The following PRELID2 variants were observed in gnomAD, a reference collection of about 807,000 sequenced individuals.
PRELID2 encodes the protein PRELI domain containing 2, also known as PRELI domain-containing protein 2.
A neutral mutation model predicts 28.4 loss-of-function variants in PRELID2; 25 were observed. The ratio of observed to expected loss-of-function variants is 0.88; its 90% CI spans 0.64 to 1.23. PRELID2 has a LOEUF of 1.23. Ranked by LOEUF, PRELID2 falls within the 50% of genes most tolerant of loss-of-function variation. The probability of loss-of-function intolerance (pLI) is 0.00; values close to 1 mark genes in which losing one functional copy is unlikely to be tolerated. For missense variants in PRELID2, 201 were observed against 214.4 expected, an observed-to-expected ratio of 0.94 and a Z score of 0.39; for synonymous variants, 76 against 71.6, an observed-to-expected ratio of 1.06 and a Z score of -0.31.
chr5:145,269,633 T>C, the PRELID2 span, among the ~76,000 whole-genome samples: 5 of 151,570 alleles, frequency 3.3e-5, no homozygotes, highest in African/African-American at 1.2e-4. Context: ...AAATTTTTCA[T>C]AGAATCTACC....
chr5:145,641,130 C>A (rs1754100407), intron 1 of PRELID2, among the ~76,000 whole-genome samples: 1 of 151,988 alleles, frequency 6.6e-6, no homozygotes, highest in South Asian at 2.1e-4. Context: ...AAAGTGCAAG[C>A]CACAGGAAAA....
At chr5:145,398,855 C>T in the PRELID2 span, among the ~76,000 whole-genome samples, 2 of 152,062 alleles carry the variant, frequency 1.3e-5, no homozygotes, top group African/African-American at 4.8e-5. Context: ...GGAAGGAAGT[C>T]TTTCCTCAAG....
At chr5:145,623,649 ATAGG>A (rs60907837) in intron 1 of PRELID2, among the ~76,000 whole-genome samples, 4,602 of 151,940 alleles carry the variant, frequency 0.03, 221 homozygotes, top group African/African-American at 0.1. Context: ...AGGTAGGTAG[ATAGG>A]TAGGTAGGTA....
chr5:145,754,211 A>T (rs1384553695), downstream of PRELID2: 1 of 152,214 alleles, frequency 6.6e-6, no homozygotes, highest in Non-Finnish European at 1.5e-5. Flanking sequence ...ACCCTTCTGT[A>T]TATAAGGCTG....
chr5:145,334,115 C>T, the PRELID2 span, among the ~76,000 whole-genome samples: 1 of 152,250 alleles, frequency 6.6e-6, no homozygotes, highest in South Asian at 2.1e-4. Context: ...ACTGTCTAAC[C>T]AGTCCCAATG....
chr5:145,739,120 T>C (rs1756578268), intron 1 of PRELID2, among the ~76,000 whole-genome samples: 1 of 152,124 alleles, frequency 6.6e-6, no homozygotes, highest in South Asian at 2.1e-4. Context: ...CACTTTCAGA[T>C]GATGAAAAAC....
At chr5:145,311,240 A>G in the PRELID2 span, among the ~76,000 whole-genome samples, 1 of 152,164 alleles carries the variant, frequency 6.6e-6, no homozygotes, top group Non-Finnish European at 1.5e-5. Flanking sequence ...ACATGGTTTC[A>G]GGAGTTGCCA....
At chr5:145,380,940 A>G in the PRELID2 span, among the ~76,000 whole-genome samples, 1 of 152,232 alleles carries the variant, frequency 6.6e-6, no homozygotes, top group African/African-American at 2.4e-5. Flanking sequence ...TAGAACAACA[A>G]AAACTATGTA....
intron 1 of PRELID2, among the ~76,000 whole-genome samples, chr5:145,536,331 G>A (rs757274316): frequency 7.2e-5 from 11 of 151,878 alleles, no homozygotes; most frequent in Admixed American, 1.3e-4. Flanking sequence ...TTTAAATTAC[G>A]AGCAGTAGAA....
At chr5:145,408,395 T>A in the PRELID2 span, among the ~76,000 whole-genome samples, 9 of 129,256 alleles carry the variant, frequency 7.0e-5, no homozygotes, top group East Asian at 6.6e-4. Context: ...TTAAAGAAAT[T>A]TATATATATA....
intron 1 of PRELID2, among the ~76,000 whole-genome samples, chr5:145,705,561 T>C (rs1755523678): frequency 6.6e-6 from 1 of 152,108 alleles, no homozygotes; most frequent in South Asian, 2.1e-4. Flanking sequence ...TTTATTGACA[T>C]AGAAAGATGT....
At chr5:145,696,328 T>G (rs1191260210) in intron 1 of PRELID2, among the ~76,000 whole-genome samples, 1 of 152,066 alleles carries the variant, frequency 6.6e-6, no homozygotes, top group African/African-American at 2.4e-5. Flanking sequence ...GGTGAAAATT[T>G]CATAATTCCA....
At chr5:145,414,642 A>G in the PRELID2 span, among the ~76,000 whole-genome samples, 1 of 152,224 alleles carries the variant, frequency 6.6e-6, no homozygotes, top group Non-Finnish European at 1.5e-5. Context: ...AATGAATGAA[A>G]CAATAAATAC....
Position 145,796,560 on chromosome 5 carries a change from C to G in PRELID2, c.369-13G>C. 1 of 1,523,836 alleles carries G rather than the reference C, an allele frequency of 6.6e-7. No homozygotes were observed. The highest frequency in any genetic ancestry group is 9.0e-7 in the Non-Finnish European group (1 of 1,113,794). 94.4% of individuals were successfully genotyped at this position (1,523,836 alleles called of 1,614,324 possible). A position where few individuals can be genotyped will look rare whatever the true frequency, so the allele number is the denominator to read the frequency against. On this transcript the variant is annotated splice_polypyrimidine_tract_variant and intron_variant, in intron 4 of 6. Coordinates refer to ENST00000683046, the MANE Select transcript of PRELID2 (RefSeq NM_205846.3). ...AATGAACTCTGTCCTGCAAAAAAAA[C>G]AAAAAACACATCTTTGATGTCATTC... is the stretch of plus-strand genomic sequence containing the variant.
the PRELID2 span, chr5:145,229,052 C>A: frequency 6.3e-7 from 1 of 1,595,292 alleles, no homozygotes. Context: ...TCCAGTCCAG[C>A]GCACTGTATG....
In PRELID2 at chr5:145,556,652, A is replaced by G. The variant is rs1225576665; in HGVS notation, n.71-83337T>C. On this transcript the variant is annotated intron_variant and non_coding_transcript_variant, in intron 1 of 2. Coordinates refer to the PRELID2 transcript ENST00000510259. Reference sequence around the variant, plus strand: ...ACCAACCATCATCCAATGGTTCCCCATTGCATTTGGTATAAAGATCAACAT... The same window carrying G: ...ACCAACCATCATCCAATGGTTCCCCGTTGCATTTGGTATAAAGATCAACAT... 7.2e-5 allele frequency among the ~76,000 whole-genome samples: 11 copies of G among 152,230 alleles called. No homozygotes were observed. In the East Asian group the frequency reaches 1.9e-3, roughly 27 times the overall value.
chr5:145,368,748 A>G, the PRELID2 span, among the ~76,000 whole-genome samples: 1 of 151,500 alleles, frequency 6.6e-6, no homozygotes, highest in Non-Finnish European at 1.5e-5. Flanking sequence ...GGTTAAGTTT[A>G]TTCTTTCAAT....
chr5:145,750,716 T>C (rs183223741), intron 1 of PRELID2, among the ~76,000 whole-genome samples: 29 of 152,348 alleles, frequency 1.9e-4, no homozygotes, highest in South Asian at 4.1e-4. Flanking sequence ...GCAACTGCCA[T>C]ACAATTCCCA....
chr5:145,727,074 T>C (rs1756190297), intron 1 of PRELID2, among the ~76,000 whole-genome samples: 1 of 152,170 alleles, frequency 6.6e-6, no homozygotes, highest in Admixed American at 6.6e-5. Context: ...AGACTATTTA[T>C]TGGTGATCAA....
Sources: gnomAD v4.1 joint callset for allele counts (sites outside exome capture counted in the v4.1 genomes callset) on GRCh38, gnomAD v4.1.1 for gene constraint, MANE v1.5 for transcripts, NCBI Gene and HGNC (gene_info 2026-07-23, HGNC 2026-07-21) for gene names.